Variants in SOAT1 observed in about 807,000 individuals in gnomAD.
The protein encoded by SOAT1 is acyl-coenzyme A:cholesterol acyltransferase 1.
Under a neutral mutation model 69.5 loss-of-function variants are expected in SOAT1, and 55 were observed. That is an observed-to-expected ratio of 0.79 (90% CI 0.64 to 0.99). The LOEUF (loss-of-function observed/expected upper bound fraction) is 0.99. Among genes scored for constraint, SOAT1 ranks in the 50% least tolerant of loss-of-function variants. The pLI, the probability that SOAT1 is intolerant of heterozygous loss-of-function variation, is 0.00. For synonymous variants in SOAT1, 231 were observed against 224.7 expected (o/e 1.03, Z -0.25); for missense variants, 580 against 669.3 (o/e 0.87, Z 1.47).
In SOAT1 at chr1:179,353,606, C is replaced by T. The variant is rs1031055717; in HGVS notation, c.1618C>T (p.Arg540Trp). The T allele has an allele frequency of 1.4e-5, 22 of 1,613,500 alleles. No homozygotes were observed. The highest frequency in any genetic ancestry group is 2.7e-5 in the African/African-American group (2 of 74,990). Reference protein sequence around the residue: ...LKNPTFLDYVRPRSWTCRYVF With the variant: ...LKNPTFLDYVWPRSWTCRYVF ...GCAGCCCACATTTTTGGATTATGTCCGGCCACGTTCCTGGACTTGTCGTTA... is the reference window on the plus strand; with the variant it reads ...GCAGCCCACATTTTTGGATTATGTCTGGCCACGTTCCTGGACTTGTCGTTA... The change falls in exon 16 of 16, where the codon CGG becomes TGG. Residue 540 changes from arginine (R) to tryptophan (W), a missense_variant. Physicochemically the swap from Arg to Trp is moderately radical, Grantham distance 101 (BLOSUM62 -3). Transcript: ENST00000367619.
intron 3 of SOAT1, among the ~76,000 whole-genome samples, chr1:179,325,216 C>A (rs1200726562): frequency 6.9e-6 from 1 of 145,152 alleles, no homozygotes; most frequent in Admixed American, 7.3e-5. Flanking sequence ...GTGGCGCGAT[C>A]TCGGCTCACT....
At chr1:179,325,242 C>T (rs561544611) in intron 3 of SOAT1, among the ~76,000 whole-genome samples, 11 of 150,968 alleles carry the variant, frequency 7.3e-5, no homozygotes, top group African/African-American at 2.2e-4. Context: ...CTCCACCTCC[C>T]GGGTTCACAC....
At chr1:179,329,944 G>A (rs914192584) in intron 3 of SOAT1, among the ~76,000 whole-genome samples, 16 of 152,108 alleles carry the variant, frequency 1.1e-4, no homozygotes, top group Non-Finnish European at 2.2e-4. Context: ...AGCTGATACT[G>A]GCTCCATGGT....
At position 179,341,032 on chromosome 1, in the gene SOAT1, GT is replaced by G; in HGVS notation, c.503del (p.Val168GlyfsTer50). ...TTCTGTACCTTTTCTCCCCAGGCTG[GT>G]GCTTGAGTTCAGCCTCCTGTCTTAT... ...VVDYIDEGRLVLEFSLLSYAF... is the reference protein window; with the variant it reads ...VVDYIDEGRLXLEFSLLSYAF... On this transcript the variant is annotated frameshift_variant, in exon 7 of 16. Coordinates refer to ENST00000367619, the MANE Select transcript of SOAT1 (RefSeq NM_003101.6). LOFTEE classifies it high-confidence loss of function. The G allele has an allele frequency of 6.2e-7, 1 of 1,613,596 alleles. No homozygotes were observed. The highest frequency in any genetic ancestry group is 8.5e-7 in the Non-Finnish European group (1 of 1,179,702).
chr1:179,356,421 G>A lies in SOAT1; in HGVS notation c.*2780G>A, dbSNP rs2125011461. 1 of 142,056 alleles carries A rather than the reference G, an allele frequency of 7.0e-6. No individual in the cohort carries two copies. The highest frequency in any genetic ancestry group is 2.3e-4 in the South Asian group (1 of 4,424). The allele number at this position is 142,056 out of a possible 1,614,324, so 8.8% of individuals were successfully genotyped here. A position where few individuals can be genotyped will look rare whatever the true frequency, so the allele number is the denominator to read the frequency against. On this transcript the variant is annotated 3_prime_UTR_variant, in exon 16 of 16. Coordinates refer to ENST00000367619, the MANE Select transcript of SOAT1 (RefSeq NM_003101.6). ...CACATACTAAAACTTTGCAGGTAAA[G>A]TTGCTTGCCTCATGTTAGAATTTAA...
intron 4 of SOAT1, among the ~76,000 whole-genome samples, chr1:179,335,951 G>T (rs928163291): frequency 6.6e-6 from 1 of 152,144 alleles, no homozygotes; most frequent in Admixed American, 6.5e-5. Flanking sequence ...CTGAGGTCAG[G>T]AGTTCAAGAT....
intron 4 of SOAT1, among the ~76,000 whole-genome samples, chr1:179,336,152 C>CA (rs35876000): frequency 0.013 from 1,445 of 110,410 alleles, 4 homozygotes; most frequent in Admixed American, 0.015. Flanking sequence ...ACTCTGTCTC[C>CA]AAAAAAAAAA....
intron 2 of SOAT1, among the ~76,000 whole-genome samples, chr1:179,321,494 A>G (rs1003964199): frequency 6.6e-5 from 10 of 152,126 alleles, no homozygotes; most frequent in Non-Finnish European, 1.3e-4. Context: ...TTTATCATTC[A>G]TGTTCACCTT....
rs1165253075 is a variant in SOAT1, at chr1:179,347,632, T to C, written c.1150T>C (p.Phe384Leu). The C allele has an allele frequency of 6.2e-7, 1 of 1,612,950 alleles. No individual in the cohort carries two copies. Among genetic ancestry groups the C allele is most frequent in the East Asian group, 2.2e-5 (1 of 44,842 alleles). Residue 384 changes from phenylalanine to leucine, a missense_variant, in exon 12 of 16, where the codon TTT (phenylalanine) becomes CTT (leucine). Physicochemically the swap from Phe to Leu is conservative, Grantham distance 22 (BLOSUM62 0). Coordinates refer to ENST00000367619, the MANE Select transcript of SOAT1 (RefSeq NM_003101.6). The stretch of plus-strand genomic sequence containing the variant: ...GATTCTCTTCCTTACTTTTTTTGCC[T>C]TTTTGCACTGCTGGCTCAATGCCTT... Reference protein sequence around the residue: ...VLILFLTFFAFLHCWLNAFAE... With the variant: ...VLILFLTFFALLHCWLNAFAE...
At chr1:179,349,555 G>A (rs114043923) in intron 13 of SOAT1, among the ~76,000 whole-genome samples, 2,233 of 152,094 alleles carry the variant, frequency 0.015, 33 homozygotes, top group Middle Eastern at 0.024. Context: ...TTGAACTCCC[G>A]ACCTTAGGTG....
intron 1 of SOAT1, among the ~76,000 whole-genome samples, chr1:179,297,737 A>AG (rs1664698925): frequency 6.6e-6 from 1 of 150,748 alleles, no homozygotes; most frequent in African/African-American, 2.4e-5. Flanking sequence ...CCGTCTCAAA[A>AG]AAAAAAAAAA....
chr1:179,314,106 C>T (rs191960109), intron 2 of SOAT1, among the ~76,000 whole-genome samples: 1 of 152,264 alleles, frequency 6.6e-6, no homozygotes, highest in Non-Finnish European at 1.5e-5. Context: ...AGCATTTGTT[C>T]ACCATAATTT....
chr1:179,311,249 G>A (rs1034486404), intron 2 of SOAT1, among the ~76,000 whole-genome samples: 2 of 152,050 alleles, frequency 1.3e-5, no homozygotes, highest in African/African-American at 2.4e-5. Flanking sequence ...GCCTGTAGCC[G>A]AAGCTACTCA....
chr1:179,319,202 G>T (rs1665503752), intron 2 of SOAT1, among the ~76,000 whole-genome samples: 1 of 149,836 alleles, frequency 6.7e-6, no homozygotes. Flanking sequence ...CAGGGATGTT[G>T]AGTGTCTTTT....
At chr1:179,299,603 T>C (rs1293222075) in intron 1 of SOAT1, among the ~76,000 whole-genome samples, 2 of 152,120 alleles carry the variant, frequency 1.3e-5, no homozygotes, top group East Asian at 3.8e-4. Context: ...GAGATGAAAA[T>C]AATACATGTA....
intron 1 of SOAT1, 89 bp downstream of exon 1, chr1:179,294,025 CA>C (rs1306330655): frequency 1.3e-5 from 2 of 152,330 alleles, no homozygotes; most frequent in Non-Finnish European, 2.9e-5. Context: ...GTGGCGGCAG[CA>C]GCTCCGGCCC....
chr1:179,352,633 A>G (rs1343000733), intron 15 of SOAT1, among the ~76,000 whole-genome samples: 1 of 126,676 alleles, frequency 7.9e-6, no homozygotes, highest in Non-Finnish European at 1.7e-5. Flanking sequence ...TGGTGGCCCT[A>G]CTAATAATTC....
intron 1 of SOAT1, among the ~76,000 whole-genome samples, chr1:179,301,019 C>T (rs1417666630): frequency 6.6e-6 from 1 of 152,108 alleles, no homozygotes; most frequent in Non-Finnish European, 1.5e-5. Flanking sequence ...TGCCTGAACC[C>T]AGGAGGCGGA....
intron 3 of SOAT1, among the ~76,000 whole-genome samples, chr1:179,334,048 C>G (rs1666064603): frequency 6.6e-6 from 1 of 152,174 alleles, no homozygotes; most frequent in African/African-American, 2.4e-5. Flanking sequence ...GCAGTCTATT[C>G]TTGAGCCCCT....
Sources: gnomAD v4.1 joint callset for allele counts (sites outside exome capture counted in the v4.1 genomes callset) on GRCh38, gnomAD v4.1.1 for gene constraint, MANE v1.5 for transcripts, NCBI Gene and HGNC (gene_info 2026-07-23, HGNC 2026-07-21) for gene names.